TNNI3K: variants seen among roughly 807,000 people sequenced by gnomAD.
TNNI3K encodes the protein TNNI3 interacting kinase, also known as serine/threonine-protein kinase TNNI3K.
In TNNI3K, 140 loss-of-function variants were observed where a neutral mutation model predicts 114.5. The observed-to-expected ratio is 1.22, with a 90% CI of 1.07 to 1.41. The LOEUF (loss-of-function observed/expected upper bound fraction) is 1.41, where lower values mean the gene tolerates loss of function less well. Ranked by LOEUF, TNNI3K falls within the 40% of genes most tolerant of loss-of-function variation. The pLI, the probability that TNNI3K is intolerant of heterozygous loss-of-function variation, is 0.00. For missense variants in TNNI3K, 1,125 were observed against 1,007.6 expected (o/e 1.12, Z -1.58); for synonymous variants, 347 against 347.5 (o/e 1.00, Z 0.02).
intron 4 of TNNI3K, among the ~76,000 whole-genome samples, chr1:74,267,594 G>C (rs1207144200): frequency 6.6e-6 from 1 of 151,934 alleles, no homozygotes; most frequent in African/African-American, 2.4e-5. Context: ...AGAGGATATA[G>C]ATAGAACATT....
intron 5 of TNNI3K, among the ~76,000 whole-genome samples, chr1:74,289,233 T>TA (rs1376696647): frequency 6.6e-6 from 1 of 151,972 alleles, no homozygotes; most frequent in African/African-American, 2.4e-5. Context: ...ATTTTTGACT[T>TA]AAAAAATGGA....
rs505508 is a variant in TNNI3K, at chr1:74,235,611, T to A, written c.40+120T>A. ...TATACGGAAGATAAGGCAGCATGTT[T>A]TGTGAAAGTCTTTGAAAAACTATCT... On this transcript the variant is annotated intron_variant, in intron 1 of 24. Coordinates refer to ENST00000326637, the MANE Select transcript of TNNI3K (RefSeq NM_015978.3). The A allele has an allele frequency of 0.99, 539,215 of 543,176 alleles. 267,765 individuals are homozygous for A. The highest frequency in any genetic ancestry group is 1 in the East Asian group (31,594 of 31,594). The allele number at this position is 543,176 out of a possible 1,614,324, so 33.6% of individuals were successfully genotyped here.
chr1:74,501,474 G>GTTTGTT (rs75296086), intron 23 of TNNI3K, among the ~76,000 whole-genome samples: 3 of 149,820 alleles, frequency 2.0e-5, no homozygotes, highest in African/African-American at 4.9e-5. Context: ...TTTTTGTTTT[G>GTTTGTT]TGTTTGTTTG....
chr1:74,360,211 T>A (rs1307208205), intron 11 of TNNI3K, among the ~76,000 whole-genome samples: 1 of 151,986 alleles, frequency 6.6e-6, no homozygotes, highest in African/African-American at 2.4e-5. Context: ...ATTTTCCAAC[T>A]GTAGACTGAG....
chr1:74,409,785 C>G (rs115178623), intron 17 of TNNI3K, among the ~76,000 whole-genome samples: 4 of 152,074 alleles, frequency 2.6e-5, no homozygotes, highest in Non-Finnish European at 5.9e-5. Flanking sequence ...TGAGCCACCA[C>G]GCCCACCTTT....
chr1:74,361,109 A>G (rs1661942704), intron 11 of TNNI3K, among the ~76,000 whole-genome samples: 2 of 152,124 alleles, frequency 1.3e-5, no homozygotes, highest in Non-Finnish European at 2.9e-5. Context: ...TTCTGTAAAT[A>G]TCATAGGTTC....
intron 24 of TNNI3K, 131 bp downstream of exon 24, chr1:74,540,444 A>G: frequency 5.9e-6 from 5 of 854,282 alleles, no homozygotes; most frequent in Non-Finnish European, 8.8e-6. Flanking sequence ...ATATAAAAGT[A>G]TAAAATTTGA....
intron 7 of TNNI3K, among the ~76,000 whole-genome samples, chr1:74,340,749 C>T (rs762509747): frequency 4.6e-5 from 7 of 152,178 alleles, no homozygotes; most frequent in Non-Finnish European, 8.8e-5. Flanking sequence ...TCTTATGTCA[C>T]GCTCCAGATG....
chr1:74,462,395 C>T (rs1667489603), intron 20 of TNNI3K, among the ~76,000 whole-genome samples: 1 of 152,182 alleles, frequency 6.6e-6, no homozygotes, highest in Non-Finnish European at 1.5e-5. Flanking sequence ...TGTCCTGGAA[C>T]TTTATCCTCT....
chr1:74,272,186 C>A (rs114243702), intron 5 of TNNI3K, among the ~76,000 whole-genome samples: 5 of 151,784 alleles, frequency 3.3e-5, no homozygotes, highest in South Asian at 2.1e-4. Flanking sequence ...TATTCATCAC[C>A]TATTATGCAC....
intron 5 of TNNI3K, among the ~76,000 whole-genome samples, chr1:74,279,859 G>T (rs1331636430): frequency 6.6e-6 from 1 of 152,086 alleles, no homozygotes; most frequent in Non-Finnish European, 1.5e-5. Context: ...TAAGAAGAAA[G>T]TTATAATGCA....
intron 20 of TNNI3K, among the ~76,000 whole-genome samples, chr1:74,454,386 A>C (rs970080387): frequency 3.3e-5 from 5 of 152,018 alleles, no homozygotes; most frequent in African/African-American, 1.2e-4. Context: ...TACCCTTCCC[A>C]GCCTCTGGTA....
intron 20 of TNNI3K, among the ~76,000 whole-genome samples, chr1:74,442,516 C>A (rs993086951): frequency 1.3e-5 from 2 of 151,808 alleles, no homozygotes; most frequent in African/African-American, 2.4e-5. Flanking sequence ...GAATTTGATT[C>A]GATTGTATTG....
chr1:74,452,336 G>A (rs898751300), intron 20 of TNNI3K, among the ~76,000 whole-genome samples: 1 of 152,184 alleles, frequency 6.6e-6, no homozygotes, highest in African/African-American at 2.4e-5. Context: ...AGGAAAAAGT[G>A]TAATACAAGG....
chr1:74,453,480 A>T (rs1208701472), intron 20 of TNNI3K, among the ~76,000 whole-genome samples: 2 of 152,198 alleles, frequency 1.3e-5, no homozygotes, highest in Non-Finnish European at 2.9e-5. Flanking sequence ...CATGACTGCA[A>T]AGTGAGACAG....
chr1:74,422,895 A>T (rs1452884377), intron 17 of TNNI3K, among the ~76,000 whole-genome samples: 1 of 152,158 alleles, frequency 6.6e-6, no homozygotes, highest in Non-Finnish European at 1.5e-5. Context: ...CACTTCCATG[A>T]TGCATACAAA....
chr1:74,244,135 C>T (rs1458320874), intron 2 of TNNI3K, among the ~76,000 whole-genome samples: 1 of 152,074 alleles, frequency 6.6e-6, no homozygotes, highest in Non-Finnish European at 1.5e-5. Context: ...TCAAATATAG[C>T]CCCCAAAGTA....
chr1:74,377,073 G>A (rs1484826200), intron 17 of TNNI3K: 1 of 151,840 alleles, frequency 6.6e-6, no homozygotes, highest in Non-Finnish European at 1.5e-5. Flanking sequence ...TGGAGAGAGA[G>A]CACTTCAAGT....
chr1:74,401,693 T>A, intron 17 of TNNI3K: 2 of 356,166 alleles, frequency 5.6e-6, no homozygotes, highest in Admixed American at 6.9e-5. Flanking sequence ...AATAACAGCT[T>A]AACACAGAGA....
Sources: gnomAD v4.1 joint callset for allele counts (sites outside exome capture counted in the v4.1 genomes callset) on GRCh38, gnomAD v4.1.1 for gene constraint, MANE v1.5 for transcripts, NCBI Gene and HGNC (gene_info 2026-07-23, HGNC 2026-07-21) for gene names.